XRN1: variants seen among roughly 807,000 people sequenced by gnomAD.
XRN1 encodes the protein strand-exchange protein 1 homolog.
Under a neutral mutation model 222.3 loss-of-function variants are expected in XRN1, and 67 were observed. The observed-to-expected ratio is 0.30, with a 90% CI of 0.25 to 0.37. The LOEUF (loss-of-function observed/expected upper bound fraction) is 0.37, where lower values mean the gene tolerates loss of function less well. XRN1 is among the 10% of genes least tolerant of loss of function. The pLI, the probability that XRN1 is intolerant of heterozygous loss-of-function variation, is 1.00. For missense variants in XRN1, 1,707 were observed against 2,000.2 expected (o/e 0.85, Z 2.80); for synonymous variants, 643 against 652.4 (o/e 0.99, Z 0.22).
chr3:142,422,775 C>A, intron 7 of XRN1, 25 bp from the exon 8 acceptor site: 1 of 1,606,346 alleles, frequency 6.2e-7, no homozygotes, highest in South Asian at 1.1e-5. Context: ...AGAACAAAGT[C>A]AAATCCAGTG....
rs768357928 is a variant in XRN1 at position 142,396,837 on chromosome 3, C to T, written c.2339+492G>A. ...GGGTGGGATCATGGGACACAAAACA[C>T]TCTGGTGATCCTGAAAACCAACATT... On this transcript the variant is annotated intron_variant, in intron 20 of 40. Transcript: ENST00000392981. Among the ~76,000 whole-genome samples, 19 of 152,138 alleles carry T rather than the reference C, an allele frequency of 1.2e-4. 1 individual carries two copies. The highest frequency in any genetic ancestry group is 3.3e-4 in the Admixed American group (5 of 15,266).
chr3:142,366,787 T>C (rs537360949), intron 27 of XRN1, among the ~76,000 whole-genome samples: 19 of 152,252 alleles, frequency 1.2e-4, no homozygotes, highest in Admixed American at 3.9e-4. Flanking sequence ...CAGTGGGGTA[T>C]TGCACATCAA....
chr3:142,332,945 A>G lies in XRN1; in HGVS notation c.4062+22T>C, dbSNP rs533418861. On this transcript the variant is annotated intron_variant, in intron 35 of 40. Coordinates refer to ENST00000392981, the MANE Select transcript of XRN1 (RefSeq NM_001282857.2). ...ACAGTCGAGAAATTACCACAGTAAG[A>G]AAGTTCCTACAAAATACGAACCATG... The G allele has an allele frequency of 5.0e-6, 8 of 1,611,484 alleles. No individual in the cohort carries two copies. In the African/African-American group the frequency reaches 9.3e-5, roughly 19 times the overall value.
intron 33 of XRN1, among the ~76,000 whole-genome samples, chr3:142,343,677 T>C (rs2066061191): frequency 6.6e-6 from 1 of 151,662 alleles, no homozygotes; most frequent in Admixed American, 6.6e-5. Context: ...AATTTGGAGG[T>C]TTTGTAAAAA....
rs752219779 is a variant in XRN1 at position 142,403,785 on chromosome 3, T to C, written c.2005-13A>G. ...TCTTCAAAAAAAACTTTAAAAGAAT[T>C]CAAATAATTTAATTTTAATTCTTTC... On this transcript the variant is annotated splice_polypyrimidine_tract_variant and intron_variant, in intron 17 of 40. Transcript: ENST00000392981. The C allele has an allele frequency of 1.2e-6, 2 of 1,610,696 alleles. No individual in the cohort carries two copies.
Position 142,357,028 on chromosome 3 carries a change from T to C in XRN1, c.3556A>G (p.Thr1186Ala). The stretch of plus-strand genomic sequence containing the variant: ...GCTGGTTGTGGTTTTACGATGGCTG[T>C]CAACTTCTGATTTCCAGTTTCAGAG... The part of the protein sequence containing the change: ...SRSETGNQKL[T>A]AIVKPQPAVH... Residue 1186 changes from threonine (T) to alanine (A), a missense_variant, in exon 31 of 41, where the codon ACA (threonine) becomes GCA (alanine). By Grantham distance (58) the Thr-to-Ala change is moderately conservative. Coordinates refer to ENST00000392981, the MANE Select transcript of XRN1 (RefSeq NM_001282857.2). 1.2e-6 allele frequency: 2 copies of C among 1,614,018 alleles called. No homozygotes were observed. Among genetic ancestry groups the C allele is most frequent in the Non-Finnish European group, 1.7e-6 (2 of 1,179,976 alleles).
chr3:142,444,496 C>A (rs928708627), intron 1 of XRN1, among the ~76,000 whole-genome samples: 2 of 152,118 alleles, frequency 1.3e-5, no homozygotes, highest in Admixed American at 6.5e-5. Flanking sequence ...CTAATCCCAG[C>A]TACTTGGGTG....
Position 142,428,193 on chromosome 3 carries a change from G to C in XRN1, c.309-1352C>G, listed in dbSNP as rs528612524. 2.4e-4 allele frequency among the ~76,000 whole-genome samples: 37 copies of C among 152,164 alleles called. No homozygotes were observed. In the South Asian group the frequency reaches 5.6e-3, roughly 23 times the overall value. On this transcript the variant is annotated intron_variant, in intron 2 of 40. Transcript: ENST00000392981. Reference sequence around the variant, plus strand: ...GGATTACCTAAGGTCAGGAGTTTGAGACCAGCCTGGCCAACATGGTGAAAC... The same window carrying C: ...GGATTACCTAAGGTCAGGAGTTTGACACCAGCCTGGCCAACATGGTGAAAC...
intron 33 of XRN1, among the ~76,000 whole-genome samples, chr3:142,338,943 T>A (rs1226114251): frequency 1.3e-5 from 2 of 152,096 alleles, no homozygotes; most frequent in African/African-American, 4.8e-5. Context: ...CAACACAGAT[T>A]TCTAAGGTTT....
intron 16 of XRN1, 110 bp downstream of exon 16, chr3:142,404,797 A>T: frequency 9.8e-7 from 1 of 1,017,782 alleles, no homozygotes. Context: ...ACTGTCATAA[A>T]CTATTTGCTA....
At chr3:142,353,295 AG>A (rs1436860222) in intron 32 of XRN1, among the ~76,000 whole-genome samples, 5 of 152,236 alleles carry the variant, frequency 3.3e-5, no homozygotes, top group African/African-American at 1.2e-4. Context: ...CCAGAAACTA[AG>A]GTCTGAAAAT....
intron 1 of XRN1, among the ~76,000 whole-genome samples, chr3:142,435,688 T>G (rs1375581546): frequency 9.4e-5 from 13 of 137,622 alleles, no homozygotes; most frequent in African/African-American, 3.4e-4. Context: ...ACCTGGGAGG[T>G]GGAGGTTCCA....
chr3:142,313,148 C>T (rs1162246686), intron 39 of XRN1: 6 of 1,612,688 alleles, frequency 3.7e-6, no homozygotes, highest in African/African-American at 2.7e-5. Flanking sequence ...GCCCCCAATG[C>T]ATAGTTGCTT....
At chr3:142,363,129 T>C (rs1340523068) in intron 29 of XRN1, among the ~76,000 whole-genome samples, 1 of 152,108 alleles carries the variant, frequency 6.6e-6, no homozygotes. Flanking sequence ...TACCGAATTC[T>C]AGGTTATTAA....
At chr3:142,341,867 T>C (rs188577965) in intron 33 of XRN1, among the ~76,000 whole-genome samples, 1,875 of 152,210 alleles carry the variant, frequency 0.012, 29 homozygotes, top group Non-Finnish European at 0.015. Flanking sequence ...AGCAAGAGGA[T>C]ATAACAACTG....
chr3:142,332,823 A>G, intron 35 of XRN1, 144 bp downstream of exon 35: 1 of 1,287,888 alleles, frequency 7.8e-7, no homozygotes, highest in Non-Finnish European at 1.0e-6. Flanking sequence ...TGCCCAGGGC[A>G]GCCTGGTTTC....
chr3:142,388,113 GAA>G lies in XRN1; in HGVS notation c.2340-3430_2340-3429del, dbSNP rs557369213. ...TCATTTTCAAATACAGCTGACACTT[GAA>G]AAACACAGGTTTGAATGACATAGGT... On this transcript the variant is annotated intron_variant, in intron 20 of 40. Coordinates refer to ENST00000392981, the MANE Select transcript of XRN1 (RefSeq NM_001282857.2). Among the ~76,000 whole-genome samples the G allele has an allele frequency of 2.6e-5, 4 of 152,214 alleles. No individual in the cohort carries two copies. The East Asian group carries it at 7.7e-4, about 29-fold the overall frequency.
At chr3:142,366,920 C>G (rs576129953) in intron 27 of XRN1, among the ~76,000 whole-genome samples, 52 of 152,204 alleles carry the variant, frequency 3.4e-4, no homozygotes, top group Admixed American at 1.2e-3. Context: ...CATAATAGGC[C>G]CAACCCATAT....
At chr3:142,370,459 T>C in intron 27 of XRN1, 26 bp downstream of exon 27, 3 of 1,583,244 alleles carry the variant, frequency 1.9e-6, no homozygotes, top group Non-Finnish European at 2.6e-6. Flanking sequence ...ATCTCATCAA[T>C]AATCTTGGTT....
Sources: allele counts gnomAD v4.1 joint callset (sites outside exome capture counted in the v4.1 genomes callset), GRCh38; gene constraint gnomAD v4.1.1; transcripts MANE v1.5; gene names NCBI Gene and HGNC (gene_info 2026-07-23, HGNC 2026-07-21).